Variants in CELF2 observed in about 807,000 individuals in gnomAD.
CELF2 encodes the protein CUG triplet repeat RNA-binding protein 2.
CELF2 carries 8 observed loss-of-function variants against 62.6 expected under a neutral mutation model. That is an observed-to-expected ratio of 0.13 (90% confidence interval 0.07 to 0.23). The LOEUF (loss-of-function observed/expected upper bound fraction) is 0.23, where lower values mean the gene tolerates loss of function less well. Ranked by LOEUF, CELF2 falls within the 10% of genes least tolerant of loss-of-function variation. The pLI is 1.00. For synonymous variants in CELF2, 258 were observed against 250.0 expected, an observed-to-expected ratio of 1.03 and a Z score of -0.30; for missense variants, 333 against 671.0, an observed-to-expected ratio of 0.50 and a Z score of 5.56.
In CELF2 at chr10:10,931,911, C is replaced by T. The variant is rs1173881941; in HGVS notation, c.89+11912C>T. Among the ~76,000 whole-genome samples the T allele has an allele frequency of 2.0e-5, 3 of 152,080 alleles. No homozygotes were observed. The highest frequency in any genetic ancestry group is 2.9e-5 in the Non-Finnish European group (2 of 68,022). On this transcript the variant is annotated intron_variant, in intron 2 of 13. Coordinates refer to the CELF2 transcript ENST00000636488. This position sits in a 1 kb window ranked among gnomAD's most constrained non-coding sequence, Gnocchi z 6.1. ...ATCAAAGTCATGTCTTACATGGTGGCTGGCAAGAGAACTTGTGCAGGGGAA... is the reference window on the plus strand; with the variant it reads ...ATCAAAGTCATGTCTTACATGGTGGTTGGCAAGAGAACTTGTGCAGGGGAA...
At chr10:10,704,009 T>C in the CELF2 span, among the ~76,000 whole-genome samples, 1 of 152,204 alleles carries the variant, frequency 6.6e-6, no homozygotes, top group African/African-American at 2.4e-5. Flanking sequence ...TAAAATATCC[T>C]TTTACCTCTG....
Position 10,936,616 on chromosome 10 carries a change from G to C in CELF2, c.89+16617G>C, listed in dbSNP as rs543453328. ...GAACCCTTTTAACTGCTTTCTGGTT[G>C]TCTGTACCTTTTCTCGCCACTACTT... On this transcript the variant is annotated intron_variant, in intron 2 of 13. Coordinates refer to the CELF2 transcript ENST00000636488. The surrounding 1 kb of genome is among the most constrained non-coding windows in gnomAD (Gnocchi z 4.0). 2 of 152,220 alleles carry C rather than the reference G, an allele frequency of 1.3e-5. No homozygotes were observed. Among genetic ancestry groups the C allele is most frequent in the Non-Finnish European group, 2.9e-5 (2 of 68,060 alleles). The allele number at this position is 152,220 out of a possible 1,614,324, so 9.4% of individuals were successfully genotyped here.
At chr10:11,322,265 T>G (rs1311212721) in intron 11 of CELF2, among the ~76,000 whole-genome samples, 1 of 152,250 alleles carries the variant, frequency 6.6e-6, no homozygotes, top group East Asian at 1.9e-4. Context: ...ATTGCCTTGG[T>G]CTTTGTTTAA....
chr10:10,688,488 T>A, the CELF2 span, among the ~76,000 whole-genome samples: 4 of 152,196 alleles, frequency 2.6e-5, no homozygotes, highest in Admixed American at 2.6e-4. Flanking sequence ...AATTCATAAG[T>A]ATCATTGTGC....
intron 1 of CELF2, among the ~76,000 whole-genome samples, chr10:11,081,561 C>T (rs1050005723): frequency 6.6e-6 from 1 of 151,814 alleles, no homozygotes; most frequent in Non-Finnish European, 1.5e-5. Context: ...CAGATACCAG[C>T]CAGAACTTGG....
At chr10:10,544,203 C>T in the CELF2 span, among the ~76,000 whole-genome samples, 2 of 152,154 alleles carry the variant, frequency 1.3e-5, no homozygotes, top group South Asian at 4.1e-4. Context: ...CAGGTGGGCA[C>T]AAACAGAGAA....
intron 1 of CELF2, among the ~76,000 whole-genome samples, chr10:11,042,297 A>G (rs2061980377): frequency 6.6e-6 from 1 of 152,218 alleles, no homozygotes; most frequent in South Asian, 2.1e-4. Flanking sequence ...TGGGCAGTCA[A>G]AGGTTAGAGT....
chr10:11,288,784 G>A (rs2091958257), intron 9 of CELF2, among the ~76,000 whole-genome samples: 1 of 152,226 alleles, frequency 6.6e-6, no homozygotes, highest in Non-Finnish European at 1.5e-5. Flanking sequence ...AGAATCCACT[G>A]TGCAAGCCGT....
chr10:10,968,246 TTTA>T (rs1413272613), intron 2 of CELF2, among the ~76,000 whole-genome samples: 1 of 152,124 alleles, frequency 6.6e-6, no homozygotes, highest in Non-Finnish European at 1.5e-5. Flanking sequence ...TGCCAAAATG[TTTA>T]TTGTTTTGAC....
intron 1 of CELF2, among the ~76,000 whole-genome samples, chr10:11,124,251 A>G (rs1020300936): frequency 6.6e-6 from 1 of 152,164 alleles, no homozygotes; most frequent in East Asian, 1.9e-4. Flanking sequence ...TCTCTTGATA[A>G]TGAAAGATTA....
intron 3 of CELF2, among the ~76,000 whole-genome samples, chr10:11,218,119 G>A (rs751258999): frequency 2.6e-5 from 4 of 152,160 alleles, no homozygotes; most frequent in African/African-American, 9.7e-5. Context: ...AACTGATGTT[G>A]CATGTAGGAA....
At chr10:10,606,371 T>C in the CELF2 span, among the ~76,000 whole-genome samples, 1 of 152,200 alleles carries the variant, frequency 6.6e-6, no homozygotes, top group Non-Finnish European at 1.5e-5. Flanking sequence ...GTCCTGAAAC[T>C]AAAGACAATT....
chr10:10,908,698 C>T (rs1042000412), intron 1 of CELF2, among the ~76,000 whole-genome samples: 4 of 152,154 alleles, frequency 2.6e-5, no homozygotes, highest in African/African-American at 9.7e-5. Context: ...ATCAGAACAA[C>T]CTTTATTTCT....
At chr10:10,627,378 GT>G in the CELF2 span, among the ~76,000 whole-genome samples, 1 of 152,162 alleles carries the variant, frequency 6.6e-6, no homozygotes, top group Non-Finnish European at 1.5e-5. Flanking sequence ...CATGCAAATG[GT>G]CTCAGAACTG....
At chr10:10,767,990 CG>C in the CELF2 span, among the ~76,000 whole-genome samples, 2 of 93,866 alleles carry the variant, frequency 2.1e-5, no homozygotes, top group African/African-American at 9.6e-5. Flanking sequence ...AGCGAGACTC[CG>C]TCTCAAAAAA....
intron 10 of CELF2, chr10:11,320,883 C>T: frequency 6.5e-7 from 1 of 1,546,030 alleles, no homozygotes; most frequent in Non-Finnish European, 8.7e-7. Context: ...GCTTTTACTT[C>T]CAAAAGATAA....
rs746571751 is a variant in CELF2 at position 11,191,394 on chromosome 10, A to G, written c.271+25712A>G. 6.6e-6 allele frequency among the ~76,000 whole-genome samples: 1 copy of G among 152,076 alleles called. No individual in the cohort carries two copies. Among genetic ancestry groups the G allele is most frequent in the African/African-American group, 2.4e-5 (1 of 41,402 alleles). ...TCCATCACACATGTACCCGTCCTCT[A>G]TTGTGTGGGAGGTACCCCAGGCAAT... is the stretch of plus-strand genomic sequence containing the variant. On this transcript the variant is annotated intron_variant, in intron 2 of 12. Transcript: ENST00000633077. The surrounding 1 kb of genome is among the most constrained non-coding windows in gnomAD (Gnocchi z 4.1).
intron 1 of CELF2, among the ~76,000 whole-genome samples, chr10:11,135,005 A>G (rs992678205): frequency 6.6e-6 from 1 of 152,094 alleles, no homozygotes; most frequent in African/African-American, 2.4e-5. Context: ...GCCCTCAAAT[A>G]CCAGTGTTTG....
intron 3 of CELF2, among the ~76,000 whole-genome samples, chr10:11,238,515 G>A (rs957489151): frequency 7.9e-5 from 12 of 152,188 alleles, no homozygotes; most frequent in African/African-American, 2.2e-4. Flanking sequence ...GAGCTCAACT[G>A]ACTGGATTCA....
Sources: gnomAD v4.1 joint callset for allele counts (sites outside exome capture counted in the v4.1 genomes callset) on GRCh38, gnomAD v4.1.1 for gene constraint, Gnocchi (gnomAD v3.1) non-coding constraint, MANE v1.5 for transcripts, NCBI Gene and HGNC (gene_info 2026-07-23, HGNC 2026-07-21) for gene names.